RBFOX1: variants seen among roughly 807,000 people sequenced by gnomAD.
RBFOX1 encodes the protein RNA binding protein fox-1 homolog 1.
Under a neutral mutation model 57.7 loss-of-function variants are expected in RBFOX1, and 8 were observed. That is an observed-to-expected ratio of 0.14 (90% confidence interval 0.08 to 0.25). The LOEUF (loss-of-function observed/expected upper bound fraction) is 0.25, where lower values mean the gene tolerates loss of function less well. Ranked by LOEUF, RBFOX1 falls within the 10% of genes least tolerant of loss-of-function variation. The probability of loss-of-function intolerance (pLI) is 1.00; values close to 1 mark genes in which losing one functional copy is unlikely to be tolerated. For missense variants in RBFOX1, 611 were observed against 548.5 expected (o/e 1.11, Z -1.14); for synonymous variants, 326 against 222.4 (o/e 1.47, Z -4.15).
intron 2 of RBFOX1, among the ~76,000 whole-genome samples, chr16:6,586,936 T>A (rs1354123759): frequency 6.6e-6 from 1 of 152,144 alleles, no homozygotes; most frequent in African/African-American, 2.4e-5. Flanking sequence ...TGTTTTGAAA[T>A]ATATATATAT....
chr16:5,286,595 C>T (rs1314372632), intron 1 of RBFOX1, among the ~76,000 whole-genome samples: 1 of 152,196 alleles, frequency 6.6e-6, no homozygotes, highest in African/African-American at 2.4e-5. Context: ...GGGGAATTCC[C>T]TCAGTAGAAC....
intron 2 of RBFOX1, among the ~76,000 whole-genome samples, chr16:6,541,183 T>C (rs1264680415): frequency 2.0e-5 from 3 of 152,190 alleles, no homozygotes; most frequent in Non-Finnish European, 4.4e-5. Flanking sequence ...TTTCATTCTA[T>C]GCGGTAATGG....
intron 4 of RBFOX1, among the ~76,000 whole-genome samples, chr16:7,427,443 C>A (rs61686293): frequency 6.6e-6 from 1 of 151,956 alleles, no homozygotes; most frequent in African/African-American, 2.4e-5. Context: ...AAATGCGAAA[C>A]GTACCAAATG....
chr16:6,032,491 G>C (rs1200679998), intron 1 of RBFOX1, among the ~76,000 whole-genome samples: 1 of 152,154 alleles, frequency 6.6e-6, no homozygotes, highest in African/African-American at 2.4e-5. Flanking sequence ...TTTGTTCCTT[G>C]ATGATCCTGT....
chr16:6,920,331 A>G (rs1330838687), intron 3 of RBFOX1, among the ~76,000 whole-genome samples: 2 of 152,132 alleles, frequency 1.3e-5, no homozygotes, highest in East Asian at 3.9e-4. Context: ...TCTGCTCTTA[A>G]TGAAGTTCAC....
chr16:5,770,888 G>T (rs1168597543), intron 3 of RBFOX1, among the ~76,000 whole-genome samples: 3 of 152,138 alleles, frequency 2.0e-5, no homozygotes, highest in Non-Finnish European at 4.4e-5. Context: ...GAGTCTTCTT[G>T]CCTCCCCATC....
intron 1 of RBFOX1, among the ~76,000 whole-genome samples, chr16:6,268,227 G>A (rs1256462136): frequency 2.6e-5 from 4 of 152,106 alleles, no homozygotes; most frequent in Non-Finnish European, 4.4e-5. Context: ...CTTTTGTTTT[G>A]AATCTGTGTC....
chr16:7,500,988 C>A (rs1439153689), intron 4 of RBFOX1, among the ~76,000 whole-genome samples: 1 of 152,176 alleles, frequency 6.6e-6, no homozygotes, highest in Non-Finnish European at 1.5e-5. Flanking sequence ...GTCCTTCCTG[C>A]TGCCATGTGA....
intron 4 of RBFOX1, among the ~76,000 whole-genome samples, chr16:5,894,016 A>G (rs1409884522): frequency 1.3e-5 from 2 of 152,160 alleles, no homozygotes; most frequent in African/African-American, 4.8e-5. Context: ...AAGCTGGGTC[A>G]CCACTAGGAG....
At chr16:5,601,009 GAGTCT>G (rs1567282165), downstream of RBFOX1, among the ~76,000 whole-genome samples, 1 of 152,218 alleles carries the variant, frequency 6.6e-6, no homozygotes, top group African/African-American at 2.4e-5. Flanking sequence ...GGAGTACCAG[GAGTCT>G]TGCAGCTTCA....
chr16:5,541,395 C>T (rs1424778896), intron 2 of RBFOX1, among the ~76,000 whole-genome samples: 1 of 151,976 alleles, frequency 6.6e-6, no homozygotes, highest in Non-Finnish European at 1.5e-5. Context: ...GTAGTCGGGG[C>T]ACAGCCTGGA....
intron 1 of RBFOX1, among the ~76,000 whole-genome samples, chr16:6,126,721 C>A (rs1487471619): frequency 6.6e-6 from 1 of 152,032 alleles, no homozygotes; most frequent in African/African-American, 2.4e-5. Flanking sequence ...CACCAGAACT[C>A]TCTAAAACCC....
At chr16:5,775,047 C>T (rs1230439888) in intron 3 of RBFOX1, among the ~76,000 whole-genome samples, 1 of 152,100 alleles carries the variant, frequency 6.6e-6, no homozygotes, top group Non-Finnish European at 1.5e-5. Context: ...CCAAATCTCA[C>T]ATAAAAATGG....
At chr16:5,434,968 C>T (rs745807731) in intron 1 of RBFOX1, among the ~76,000 whole-genome samples, 3 of 152,190 alleles carry the variant, frequency 2.0e-5, no homozygotes, top group Non-Finnish European at 4.4e-5. Context: ...ATTAATTTCA[C>T]ATTATCAAGG....
intron 4 of RBFOX1, among the ~76,000 whole-genome samples, chr16:7,098,630 G>A (rs1278040905): frequency 6.6e-6 from 1 of 152,010 alleles, no homozygotes; most frequent in East Asian, 1.9e-4. Flanking sequence ...TTTCTTATGG[G>A]GATATAGGAC....
At chr16:7,450,538 A>G (rs2098843873) in intron 4 of RBFOX1, among the ~76,000 whole-genome samples, 2 of 152,144 alleles carry the variant, frequency 1.3e-5, no homozygotes, top group Middle Eastern at 3.2e-3. Context: ...TAGGTTACAG[A>G]TGAAGATACT....
Position 6,586,599 on chromosome 16 carries a change from G to T in RBFOX1, c.-63-68004G>T, listed in dbSNP as rs114790001. ...CAAGATGATCAGATGATGTTGCCAG[G>T]AATACTTCTTCCCACATTACACACT... On this transcript the variant is annotated intron_variant, in intron 2 of 15. Transcript: ENST00000550418. 3.3e-3 allele frequency among the ~76,000 whole-genome samples: 504 copies of T among 152,246 alleles called. 5 individuals are homozygous for T. The highest frequency in any genetic ancestry group is 0.012 in the African/African-American group (478 of 41,548).
rs115875410 is a variant in RBFOX1, at chr16:7,157,364, A to T, written c.27+105266A>T. ...TATGAGATACCATTTCAATTTGGCAATAAATGTATGGTAAATGGAAGGTTG... is the reference window on the plus strand; with the variant it reads ...TATGAGATACCATTTCAATTTGGCATTAAATGTATGGTAAATGGAAGGTTG... On this transcript the variant is annotated intron_variant, in intron 4 of 15. Transcript: ENST00000550418. Among the ~76,000 whole-genome samples the T allele has an allele frequency of 4.4e-3, 663 of 152,290 alleles. 2 individuals are homozygous for T. The highest frequency in any genetic ancestry group is 0.015 in the African/African-American group (635 of 41,560).
intron 3 of RBFOX1, among the ~76,000 whole-genome samples, chr16:6,734,420 C>T (rs1386157629): frequency 6.6e-6 from 1 of 152,146 alleles, no homozygotes; most frequent in African/African-American, 2.4e-5. Context: ...GTAGCCATTT[C>T]CTTTACGTGG....
Sources: allele counts gnomAD v4.1 joint callset (sites outside exome capture counted in the v4.1 genomes callset), GRCh38; gene constraint gnomAD v4.1.1; transcripts MANE v1.5; gene names NCBI Gene and HGNC (gene_info 2026-07-23, HGNC 2026-07-21).